The following NAALADL2 variants were observed in gnomAD, a reference collection of about 807,000 sequenced individuals.
NAALADL2 encodes the protein inactive N-acetylated-alpha-linked acidic dipeptidase-like protein 2.
NAALADL2 carries 76 observed loss-of-function variants against 87.2 expected under a neutral mutation model. That is an observed-to-expected ratio of 0.87 (90% CI 0.72 to 1.05). NAALADL2 has a LOEUF of 1.05. NAALADL2 is among the 50% of genes least tolerant of loss of function. The pLI is 0.00. For synonymous variants in NAALADL2, 354 were observed against 331.0 expected (o/e 1.07, Z -0.75); for missense variants, 1,089 against 945.8 (o/e 1.15, Z -1.99).
intron 3 of NAALADL2, among the ~76,000 whole-genome samples, chr3:174,819,340 C>A (rs1222099654): frequency 6.6e-6 from 1 of 151,892 alleles, no homozygotes; most frequent in East Asian, 1.9e-4. Flanking sequence ...GCTGGGATTA[C>A]AAGCATGAGC....
At chr3:175,410,456 C>T (rs1237383563) in intron 5 of NAALADL2, among the ~76,000 whole-genome samples, 2 of 152,026 alleles carry the variant, frequency 1.3e-5, no homozygotes, top group Admixed American at 6.6e-5. Flanking sequence ...ATTCAGGAAA[C>T]AGATCTTCTC....
Position 175,088,992 on chromosome 3 carries a change from G to T in NAALADL2, c.44-7798G>T, listed in dbSNP as rs150526418. Among the ~76,000 whole-genome samples the T allele has an allele frequency of 7.2e-5, 11 of 151,804 alleles. No homozygotes were observed. In the East Asian group the frequency reaches 2.1e-3, roughly 29 times the overall value. On this transcript the variant is annotated intron_variant, in intron 1 of 13. Coordinates refer to ENST00000454872, the MANE Select transcript of NAALADL2 (RefSeq NM_207015.3). ...CTGTAACTGTCACGTTCTTAGCAGAGTTGCTTTGCTCTTTGTCCCTCAACA... is the reference window on the plus strand; with the variant it reads ...CTGTAACTGTCACGTTCTTAGCAGATTTGCTTTGCTCTTTGTCCCTCAACA...
intron 1 of NAALADL2, among the ~76,000 whole-genome samples, chr3:174,488,734 A>G (rs1373894034): frequency 1.3e-5 from 2 of 151,628 alleles, no homozygotes; most frequent in Non-Finnish European, 2.9e-5. Flanking sequence ...TTGTTTCACA[A>G]CCTCTATTGG....
chr3:174,645,618 A>G (rs1272268238), intron 2 of NAALADL2, among the ~76,000 whole-genome samples: 1 of 152,162 alleles, frequency 6.6e-6, no homozygotes, highest in African/African-American at 2.4e-5. Context: ...TTCAAAGGTA[A>G]TTTATTTTTC....
At chr3:175,411,422 A>T (rs1228043151) in intron 5 of NAALADL2, among the ~76,000 whole-genome samples, 1 of 152,158 alleles carries the variant, frequency 6.6e-6, no homozygotes. Context: ...GACTGGGGGT[A>T]AAAATTTGAG....
At chr3:175,227,580 C>A (rs1019886642) in intron 2 of NAALADL2, among the ~76,000 whole-genome samples, 6 of 151,936 alleles carry the variant, frequency 3.9e-5, no homozygotes, top group Non-Finnish European at 7.4e-5. Flanking sequence ...TAGAATTTCT[C>A]ATTTAATACA....
intron 9 of NAALADL2, among the ~76,000 whole-genome samples, chr3:175,515,560 G>GAA (rs143935735): frequency 1.4e-5 from 2 of 139,732 alleles, no homozygotes; most frequent in African/African-American, 2.6e-5. Context: ...TAATTTTTGG[G>GAA]AAAAAAAAAA....
At chr3:175,067,417 A>T (rs1332418499) in intron 1 of NAALADL2, among the ~76,000 whole-genome samples, 1 of 152,144 alleles carries the variant, frequency 6.6e-6, no homozygotes, top group African/African-American at 2.4e-5. Flanking sequence ...AACAACAGAC[A>T]TTAAAAGGTG....
At chr3:175,216,799 C>G (rs544904233) in intron 2 of NAALADL2, among the ~76,000 whole-genome samples, 72 of 150,702 alleles carry the variant, frequency 4.8e-4, no homozygotes, top group African/African-American at 1.7e-3. Context: ...CTCCTGAGTA[C>G]CTGGGATTAC....
chr3:174,711,731 T>C (rs2108916800), intron 2 of NAALADL2, among the ~76,000 whole-genome samples: 1 of 152,338 alleles, frequency 6.6e-6, no homozygotes, highest in Middle Eastern at 3.4e-3. Flanking sequence ...CAGGCTAATA[T>C]TCTGCATGAG....
intron 2 of NAALADL2, among the ~76,000 whole-genome samples, chr3:174,603,856 G>T (rs944171921): frequency 2.0e-5 from 3 of 151,854 alleles, no homozygotes; most frequent in African/African-American, 7.3e-5. Flanking sequence ...TAATTTCCAT[G>T]TATTTGCATT....
chr3:174,859,318 A>G (rs1726183770), upstream of NAALADL2: 1 of 908,458 alleles, frequency 1.1e-6, no homozygotes, highest in Non-Finnish European at 1.8e-6. Flanking sequence ...CTGTTACAAT[A>G]CTACAGTAGA....
At chr3:175,799,799 A>C (rs1753920792) in intron 13 of NAALADL2, among the ~76,000 whole-genome samples, 1 of 152,204 alleles carries the variant, frequency 6.6e-6, no homozygotes, top group African/African-American at 2.4e-5. Context: ...ACATGTATAC[A>C]TATGTATTTA....
intron 11 of NAALADL2, among the ~76,000 whole-genome samples, chr3:175,673,229 T>C (rs1464329337): frequency 6.6e-6 from 1 of 152,174 alleles, no homozygotes; most frequent in African/African-American, 2.4e-5. Flanking sequence ...TTTGTACAAG[T>C]CTAAACAGTT....
At chr3:174,634,192 C>A (rs561441908) in intron 2 of NAALADL2, among the ~76,000 whole-genome samples, 1 of 152,156 alleles carries the variant, frequency 6.6e-6, no homozygotes, top group South Asian at 2.1e-4. Flanking sequence ...TATAAGGAAC[C>A]TAGAAAATAT....
At chr3:174,678,774 T>C (rs535551371) in intron 2 of NAALADL2, among the ~76,000 whole-genome samples, 2 of 152,294 alleles carry the variant, frequency 1.3e-5, no homozygotes, top group South Asian at 4.1e-4. Context: ...ATTATTATTG[T>C]ATACCGACTC....
intron 11 of NAALADL2, among the ~76,000 whole-genome samples, chr3:175,693,114 C>A (rs1219391007): frequency 1.3e-5 from 2 of 152,132 alleles, no homozygotes; most frequent in African/African-American, 2.4e-5. Flanking sequence ...TCACCCATTG[C>A]AATAATGTAC....
intron 4 of NAALADL2, among the ~76,000 whole-genome samples, chr3:175,273,064 A>G (rs1296567537): frequency 6.6e-6 from 1 of 152,080 alleles, no homozygotes; most frequent in Non-Finnish European, 1.5e-5. Flanking sequence ...TCCATTTAAA[A>G]TCAAGTTTAT....
At chr3:175,714,364 C>A (rs1313218210) in intron 11 of NAALADL2, among the ~76,000 whole-genome samples, 1 of 152,170 alleles carries the variant, frequency 6.6e-6, no homozygotes, top group Non-Finnish European at 1.5e-5. Context: ...AAAAGCATCC[C>A]TATTTCTCCA....
Sources: allele counts gnomAD v4.1 joint callset (sites outside exome capture counted in the v4.1 genomes callset), GRCh38; gene constraint gnomAD v4.1.1; transcripts MANE v1.5; gene names NCBI Gene and HGNC (gene_info 2026-07-23, HGNC 2026-07-21).